Variants in ADGRB3 observed in about 807,000 individuals in gnomAD.
ADGRB3 encodes the protein brain-specific angiogenesis inhibitor 3.
In ADGRB3, 37 loss-of-function variants were observed where a neutral mutation model predicts 193.4. That is an observed-to-expected ratio of 0.19 (90% CI 0.15 to 0.25). The LOEUF (loss-of-function observed/expected upper bound fraction) is 0.25, where lower values mean the gene tolerates loss of function less well. ADGRB3 is among the 10% of genes least tolerant of loss of function. The probability of loss-of-function intolerance (pLI) is 1.00; values close to 1 mark genes in which losing one functional copy is unlikely to be tolerated. For missense variants in ADGRB3, 1,637 were observed against 1,852.9 expected (o/e 0.88, Z 2.14); for synonymous variants, 690 against 644.2 (o/e 1.07, Z -1.08).
chr6:69,004,557 TC>T (rs1383563190), intron 11 of ADGRB3, among the ~76,000 whole-genome samples: 4 of 104,440 alleles, frequency 3.8e-5, no homozygotes, highest in Non-Finnish European at 7.7e-5. Context: ...ATGCTATCCC[TC>T]CCCCCTCCCC....
intron 3 of ADGRB3, among the ~76,000 whole-genome samples, chr6:68,695,986 G>T (rs1765150432): frequency 6.6e-6 from 1 of 151,946 alleles, no homozygotes; most frequent in Admixed American, 6.6e-5. Context: ...GCGCCTTCCT[G>T]TATTTGGCTG....
intron 3 of ADGRB3, among the ~76,000 whole-genome samples, chr6:68,808,165 CT>C (rs914494953): frequency 4.6e-5 from 7 of 152,000 alleles, no homozygotes; most frequent in Admixed American, 6.6e-5. Context: ...TAGATTGTTC[CT>C]TTTTTTATTT....
intron 10 of ADGRB3, among the ~76,000 whole-genome samples, chr6:68,976,149 A>C (rs1178637522): frequency 6.6e-6 from 1 of 152,106 alleles, no homozygotes; most frequent in Non-Finnish European, 1.5e-5. Flanking sequence ...ATTTTCTTTT[A>C]CTGTTCTTAC....
intron 5 of ADGRB3, among the ~76,000 whole-genome samples, chr6:68,938,244 G>A (rs979007629): frequency 1.3e-5 from 2 of 151,914 alleles, no homozygotes; most frequent in Non-Finnish European, 2.9e-5. Context: ...AAGAAAAAAT[G>A]TTTAAGGAGT....
intron 8 of ADGRB3, among the ~76,000 whole-genome samples, chr6:68,970,862 GA>G (rs1415076792): frequency 1.3e-5 from 2 of 152,198 alleles, no homozygotes; most frequent in Admixed American, 1.3e-4. Flanking sequence ...GGAAGGTTAA[GA>G]GTAAGATAAG....
chr6:68,815,753 C>T (rs946892912), intron 3 of ADGRB3, among the ~76,000 whole-genome samples: 16 of 151,670 alleles, frequency 1.1e-4, no homozygotes, highest in African/African-American at 3.1e-4. Flanking sequence ...CACAATTGCA[C>T]GAAATAAATT....
intron 3 of ADGRB3, among the ~76,000 whole-genome samples, chr6:68,762,104 A>G (rs73467862): frequency 0.037 from 5,689 of 152,240 alleles, 356 homozygotes; most frequent in African/African-American, 0.13. Flanking sequence ...TTGTACAAAT[A>G]TTGTTTCTTT....
At chr6:69,236,506 A>G (rs1292592807) in intron 19 of ADGRB3, among the ~76,000 whole-genome samples, 3 of 152,060 alleles carry the variant, frequency 2.0e-5, no homozygotes, top group Admixed American at 2.0e-4. Context: ...AAGGATAAAC[A>G]TTTGAAAAGT....
At chr6:69,152,305 A>T (rs1774703123) in intron 17 of ADGRB3, among the ~76,000 whole-genome samples, 1 of 152,238 alleles carries the variant, frequency 6.6e-6, no homozygotes, top group Non-Finnish European at 1.5e-5. Flanking sequence ...GTTTTCACAC[A>T]TCCAGAGAGA....
At chr6:69,332,387 T>G (rs576796679) in intron 23 of ADGRB3, 1 of 985,412 alleles carries the variant, frequency 1.0e-6, no homozygotes, top group African/African-American at 1.7e-5. Context: ...CCTTTCTGCT[T>G]AGAAAAGCAT....
At chr6:69,268,368 T>TAG (rs1767094580) in intron 20 of ADGRB3, among the ~76,000 whole-genome samples, 2 of 152,168 alleles carry the variant, frequency 1.3e-5, no homozygotes, top group Admixed American at 1.3e-4. Flanking sequence ...AGAACCTGCT[T>TAG]CTTTTGGGAT....
At chr6:68,787,680 G>C (rs1181785134) in intron 3 of ADGRB3, among the ~76,000 whole-genome samples, 1 of 152,160 alleles carries the variant, frequency 6.6e-6, no homozygotes, top group Non-Finnish European at 1.5e-5. Flanking sequence ...AAATGAGTTA[G>C]GGAGGATTCC....
chr6:69,027,221 G>GT (rs201046372), intron 13 of ADGRB3, among the ~76,000 whole-genome samples: 242 of 145,244 alleles, frequency 1.7e-3, no homozygotes, highest in Admixed American at 2.8e-3. Context: ...TAGATTTTTA[G>GT]TTTTTTTTTT....
At chr6:68,752,275 CT>C (rs66760335) in intron 3 of ADGRB3, among the ~76,000 whole-genome samples, 5,444 of 129,246 alleles carry the variant, frequency 0.042, 167 homozygotes, top group African/African-American at 0.098. Flanking sequence ...GCAGAATATT[CT>C]TTTTTTTTTT....
chr6:69,301,333 CA>C (rs79196172), intron 20 of ADGRB3, among the ~76,000 whole-genome samples: 18,838 of 151,674 alleles, frequency 0.12, 1,336 homozygotes, highest in Admixed American at 0.2. Context: ...ATTCTAACTG[CA>C]AAAAGTTAAC....
At position 69,158,241 on chromosome 6, in the gene ADGRB3, T is replaced by A. The variant is rs928721272; in HGVS notation, c.2481-75049T>A. On this transcript the variant is annotated intron_variant, in intron 17 of 31. Transcript: ENST00000370598. Reference sequence around the variant, plus strand: ...TTCCCCCTCACACCTACACAACACCTGCTGAAGTTCTTTGGGTACCAAATA... The same window carrying A: ...TTCCCCCTCACACCTACACAACACCAGCTGAAGTTCTTTGGGTACCAAATA... Among the ~76,000 whole-genome samples, 3 of 152,088 alleles carry A rather than the reference T, an allele frequency of 2.0e-5. No individual in the cohort carries two copies. In the South Asian group the frequency reaches 6.2e-4, roughly 32 times the overall value.
chr6:69,118,666 T>C (rs1220671921), intron 17 of ADGRB3, among the ~76,000 whole-genome samples: 13 of 151,068 alleles, frequency 8.6e-5, no homozygotes, highest in Non-Finnish European at 1.5e-4. Flanking sequence ...TTAGATTCGA[T>C]GTTAAGGGAG....
chr6:69,339,504 G>A lies in ADGRB3; in HGVS notation c.3459G>A (p.Glu1153=). The A allele has an allele frequency of 6.2e-7, 1 of 1,612,186 alleles. No homozygotes were observed. The highest frequency in any genetic ancestry group is 1.3e-5 in the African/African-American group (1 of 75,000). Residue 1153 remains glutamate (E), a splice_region_variant and synonymous_variant, in exon 26 of 32, where the codon GAG becomes GAA. Transcript: ENST00000370598. The stretch of plus-strand genomic sequence containing the variant: ...TGGTCCACTGCATTCTTCGGAGAGA[G>A]GTGAGAAGCATTCTTGTGATAGAGA... The part of the protein sequence containing the change: ...IVMVHCILRR[E]VQDAFRCRLR...
chr6:69,022,117 A>C (rs1312125110), intron 13 of ADGRB3, among the ~76,000 whole-genome samples: 3 of 151,848 alleles, frequency 2.0e-5, no homozygotes, highest in Non-Finnish European at 4.4e-5. Flanking sequence ...TGAGTTAATG[A>C]GCATTTACTA....
Sources: gnomAD v4.1 joint callset for allele counts (sites outside exome capture counted in the v4.1 genomes callset) on GRCh38, gnomAD v4.1.1 for gene constraint, MANE v1.5 for transcripts, NCBI Gene and HGNC (gene_info 2026-07-23, HGNC 2026-07-21) for gene names.